Variants in ARL10 observed in about 807,000 individuals in gnomAD.
ARL10 encodes ADP-ribosylation factor-like protein 10.
ARL10 carries 23 observed loss-of-function variants against 26.1 expected under a neutral mutation model. The observed-to-expected ratio is 0.88, with a 90% confidence interval of 0.63 to 1.25. The LOEUF (loss-of-function observed/expected upper bound fraction) is 1.25. Ranked by LOEUF, ARL10 falls within the 50% of genes most tolerant of loss-of-function variation. ARL10 has a pLI of 0.00. For synonymous variants in ARL10, 138 were observed against 149.1 expected (o/e 0.93, Z 0.54); for missense variants, 300 against 323.6 (o/e 0.93, Z 0.56).
At chr5:176,386,060 G>C (rs1285200448), downstream of ARL10, 1 of 152,868 alleles carries the variant, frequency 6.5e-6, no homozygotes, top group African/African-American at 2.4e-5. Context: ...AATGGGTATA[G>C]TTTCAGTTTT....
rs1326796557 is a variant in ARL10, at chr5:176,380,295, C to T, written c.*8400C>T. ...TAATCCTTTAGATGCCTCTGCATAC[C>T]GATTTAAAATGCATCCCGTTGTTTT... On this transcript the variant is annotated 3_prime_UTR_variant, in exon 4 of 4. Coordinates refer to ENST00000310389, the MANE Select transcript of ARL10 (RefSeq NM_173664.6). The T allele has an allele frequency of 6.6e-6, 1 of 152,044 alleles. No individual in the cohort carries two copies. Among genetic ancestry groups the T allele is most frequent in the African/African-American group, 2.4e-5 (1 of 41,392 alleles). 9.4% of individuals were successfully genotyped at this position (152,044 alleles called of 1,614,324 possible).
In ARL10 at chr5:176,376,812, C is replaced by T. The variant is rs1340601558; in HGVS notation, c.*4917C>T. On this transcript the variant is annotated 3_prime_UTR_variant, in exon 4 of 4. Coordinates refer to ENST00000310389, the MANE Select transcript of ARL10 (RefSeq NM_173664.6). ...GAGATGTGGACCCAAGGTTCGAAGC[C>T]CTGAAGTTTTACCACAGTGTGGGTA... is the stretch of plus-strand genomic sequence containing the variant. 6.6e-6 allele frequency: 1 copy of T among 152,036 alleles called. No homozygotes were observed. The highest frequency in any genetic ancestry group is 1.5e-5 in the Non-Finnish European group (1 of 68,022). 9.4% of individuals were successfully genotyped at this position (152,036 alleles called of 1,614,324 possible).
the ARL10 span, among the ~76,000 whole-genome samples, chr5:176,411,993 G>A: frequency 2.5e-4 from 38 of 151,912 alleles, no homozygotes; most frequent in African/African-American, 8.2e-4. Flanking sequence ...TGGCTAACAC[G>A]GTGAAACCCC....
chr5:176,397,628 T>C, intron 1 of ARL10: 2 of 1,602,496 alleles, frequency 1.2e-6, no homozygotes, highest in Non-Finnish European at 1.7e-6. Flanking sequence ...CTTGTTCTTC[T>C]CTACTTGTTC....
In ARL10 at chr5:176,366,990, C is replaced by A. The variant is rs192600688; in HGVS notation, c.385+409C>A. On this transcript the variant is annotated intron_variant, in intron 2 of 3. Coordinates refer to ENST00000310389, the MANE Select transcript of ARL10 (RefSeq NM_173664.6). Reference sequence around the variant, plus strand: ...GTAGTATCATGAATCCAAGGTCACCCACCTTTCTAGTCTTTTTTTTTTTTT... The same window carrying A: ...GTAGTATCATGAATCCAAGGTCACCAACCTTTCTAGTCTTTTTTTTTTTTT... Among the ~76,000 whole-genome samples, 447 of 151,650 alleles carry A rather than the reference C, an allele frequency of 2.9e-3. 1 individual carries two copies. The highest frequency in any genetic ancestry group is 4.8e-3 in the Non-Finnish European group (327 of 67,896).
Position 176,381,721 on chromosome 5 carries a change from T to G in ARL10, c.*9826T>G, listed in dbSNP as rs1352130637. Reference sequence around the variant, plus strand: ...CATTAAGTTAGGTTATAATTCACTATGTACAGAGGCAGCTTTAGGCCAAAC... The same window carrying G: ...CATTAAGTTAGGTTATAATTCACTAGGTACAGAGGCAGCTTTAGGCCAAAC... On this transcript the variant is annotated 3_prime_UTR_variant, in exon 4 of 4. Transcript: ENST00000310389. 1.3e-5 allele frequency: 2 copies of G among 152,208 alleles called. No individual in the cohort carries two copies. The highest frequency in any genetic ancestry group is 4.8e-5 in the African/African-American group (2 of 41,442). The allele number at this position is 152,208 out of a possible 1,614,324, so 9.4% of individuals were successfully genotyped here. A position where few individuals can be genotyped will look rare whatever the true frequency, so the allele number is the denominator to read the frequency against.
the ARL10 span, among the ~76,000 whole-genome samples, chr5:176,408,681 C>T: frequency 6.6e-6 from 1 of 152,168 alleles, no homozygotes; most frequent in Non-Finnish European, 1.5e-5. Flanking sequence ...CACTATTGCC[C>T]CAGCTAATTT....
chr5:176,400,746 C>T (rs1262206893), intron 1 of ARL10, among the ~76,000 whole-genome samples: 3 of 152,200 alleles, frequency 2.0e-5, no homozygotes, highest in Non-Finnish European at 2.9e-5. Flanking sequence ...TGACTGCCCG[C>T]GTTGTTTGAC....
At chr5:176,367,157 G>A (rs944167732) in intron 2 of ARL10, among the ~76,000 whole-genome samples, 1 of 151,900 alleles carries the variant, frequency 6.6e-6, no homozygotes, top group Non-Finnish European at 1.5e-5. Flanking sequence ...ACAGGCGCCC[G>A]CCACCACGCC....
downstream of ARL10, among the ~76,000 whole-genome samples, chr5:176,404,986 TG>T (rs1467213796): frequency 6.6e-6 from 1 of 152,198 alleles, no homozygotes; most frequent in Non-Finnish European, 1.5e-5. Context: ...TCGAGCGAGC[TG>T]TTAAACCTCC....
downstream of ARL10, chr5:176,389,259 G>A (rs979069126): frequency 5.9e-6 from 9 of 1,518,090 alleles, no homozygotes; most frequent in East Asian, 1.8e-4. Flanking sequence ...CTTTGGGGAA[G>A]CGAGACCCAA....
intron 1 of ARL10, chr5:176,388,210 G>T: frequency 6.5e-7 from 1 of 1,534,410 alleles, no homozygotes; most frequent in Non-Finnish European, 9.0e-7. Flanking sequence ...AGAAGACAAG[G>T]ACCGAGACCC....
chr5:176,384,770 A>C (rs113747452), downstream of ARL10: 2 of 337,306 alleles, frequency 5.9e-6, no homozygotes, highest in Non-Finnish European at 1.1e-5. Flanking sequence ...ATTCTGTCTC[A>C]AAAAAAAGAC....
At chr5:176,388,223 C>A (rs2113600859) in intron 1 of ARL10, 1 of 1,585,110 alleles carries the variant, frequency 6.3e-7, no homozygotes, top group Non-Finnish European at 8.7e-7. Context: ...CGAGACCCTG[C>A]CATGTCAGTA....
intron 1 of ARL10, chr5:176,387,016 G>A (rs952963060): frequency 1.1e-5 from 10 of 937,368 alleles, no homozygotes; most frequent in African/African-American, 6.5e-5. Flanking sequence ...CCCTGCCCAC[G>A]GTTAGGTAGA....
At chr5:176,384,298 C>T (rs535942388), downstream of ARL10, 86 of 1,614,204 alleles carry the variant, frequency 5.3e-5, no homozygotes, top group South Asian at 3.6e-4. Flanking sequence ...TGGGTAAAAG[C>T]GTTTATAGAC....
chr5:176,392,525 G>GA (rs1386650857), downstream of ARL10: 40 of 509,768 alleles, frequency 7.8e-5, no homozygotes, highest in South Asian at 7.0e-4. The surrounding 1 kb of genome is among the most constrained non-coding windows in gnomAD (Gnocchi z 5.2). Context: ...TTTAAGCCAA[G>GA]AAAAAAAATA....
chr5:176,401,122 G>A (rs939830164), intron 1 of ARL10, among the ~76,000 whole-genome samples: 1 of 152,284 alleles, frequency 6.6e-6, no homozygotes, highest in East Asian at 1.9e-4. Context: ...GCCCTTCTCC[G>A]GAGAACACAA....
At chr5:176,412,100 C>A in the ARL10 span, among the ~76,000 whole-genome samples, 2 of 147,836 alleles carry the variant, frequency 1.4e-5, no homozygotes, top group African/African-American at 5.0e-5. Context: ...GGTGTGAACC[C>A]GGGAGGCGGA....
Sources: gnomAD v4.1 joint callset for allele counts (sites outside exome capture counted in the v4.1 genomes callset) on GRCh38, gnomAD v4.1.1 for gene constraint, Gnocchi (gnomAD v3.1) non-coding constraint, MANE v1.5 for transcripts, NCBI Gene and HGNC (gene_info 2026-07-23, HGNC 2026-07-21) for gene names.